PHB1: variants seen among roughly 807,000 people sequenced by gnomAD.
PHB1 encodes the protein epididymis luminal protein 215.
the PHB1 span, among the ~76,000 whole-genome samples, chr17:49,410,895 C>A: frequency 6.6e-6 from 1 of 152,338 alleles, no homozygotes; most frequent in Non-Finnish European, 1.5e-5. Flanking sequence ...TTCTGCTTCT[C>A]ATTACTTGGA....
chr17:49,407,221 C>T, the PHB1 span: 1 of 205,952 alleles, frequency 4.9e-6, no homozygotes, highest in Admixed American at 5.1e-5. Flanking sequence ...TAGTGCTCTT[C>T]CAAGGGCCTT....
chr17:49,409,305 G>C, the PHB1 span: 6 of 1,613,744 alleles, frequency 3.7e-6, no homozygotes, highest in Non-Finnish European at 4.2e-6. Context: ...CTCTGGGCTC[G>C]AGGCTAAAGG....
the PHB1 span, chr17:49,414,851 C>T: frequency 6.6e-6 from 1 of 152,528 alleles, no homozygotes; most frequent in Non-Finnish European, 1.5e-5. Flanking sequence ...CCACTCTGAC[C>T]TCCACATGAA....
At chr17:49,412,931 C>A in the PHB1 span, 2 of 435,486 alleles carry the variant, frequency 4.6e-6, no homozygotes, top group Non-Finnish European at 8.4e-6. Context: ...AGCCACTGGA[C>A]ACATCCAACT....
the PHB1 span, among the ~76,000 whole-genome samples, chr17:49,414,053 A>G: frequency 6.6e-6 from 1 of 152,256 alleles, no homozygotes; most frequent in African/African-American, 2.4e-5. Context: ...TAACCGTAAC[A>G]GCTAACACTT....
At chr17:49,414,862 T>G in the PHB1 span, 3 of 152,432 alleles carry the variant, frequency 2.0e-5, no homozygotes, top group African/African-American at 7.2e-5. Flanking sequence ...TCCACATGAA[T>G]TCCCCAACCA....
chr17:49,404,969 G>C, the PHB1 span: 1 of 1,497,124 alleles, frequency 6.7e-7, no homozygotes, highest in East Asian at 2.5e-5. Context: ...GTCAGCCCGC[G>C]GAGGTGCAGG....
the PHB1 span, chr17:49,413,023 G>T: frequency 1.6e-6 from 1 of 609,200 alleles, no homozygotes; most frequent in Non-Finnish European, 2.9e-6. Context: ...TGATAACAAT[G>T]CAGTCCTGTG....
chr17:49,411,045 C>T, the PHB1 span, among the ~76,000 whole-genome samples: 30 of 152,050 alleles, frequency 2.0e-4, no homozygotes, highest in African/African-American at 6.8e-4. Context: ...GAACTGGGCA[C>T]CAAGAGAGGT....
chr17:49,406,861 GGA>G, the PHB1 span: 7 of 1,603,162 alleles, frequency 4.4e-6, no homozygotes, highest in Admixed American at 8.3e-5. Context: ...GTGTCTAAGG[GGA>G]GAGAGTGAGC....
At chr17:49,405,299 G>C in the PHB1 span, 1 of 1,033,256 alleles carries the variant, frequency 9.7e-7, no homozygotes, top group South Asian at 1.5e-5. Context: ...ACCTTCCCAG[G>C]CTCCTGAAGG....
the PHB1 span, among the ~76,000 whole-genome samples, chr17:49,405,897 G>A: frequency 1.8e-4 from 27 of 152,192 alleles, no homozygotes; most frequent in Non-Finnish European, 3.5e-4. Context: ...CAGGCACCCA[G>A]AGTGAGATCT....
At chr17:49,408,991 T>A in the PHB1 span, 1 of 1,178,336 alleles carries the variant, frequency 8.5e-7, no homozygotes, top group Non-Finnish European at 1.2e-6. Flanking sequence ...GCCAGGCACC[T>A]AAACGAGAAC....
the PHB1 span, among the ~76,000 whole-genome samples, chr17:49,406,218 T>C: frequency 6.6e-6 from 1 of 152,164 alleles, no homozygotes; most frequent in African/African-American, 2.4e-5. Context: ...GCTGTCCCCA[T>C]CTCCCCACCA....
chr17:49,406,952 G>T, the PHB1 span: 1 of 815,916 alleles, frequency 1.2e-6, no homozygotes, highest in Non-Finnish European at 2.1e-6. Context: ...GCCAGCAATG[G>T]CTCTAGCAGC....
chr17:49,405,219 G>A, the PHB1 span: 6 of 1,610,484 alleles, frequency 3.7e-6, no homozygotes, highest in Non-Finnish European at 5.1e-6. Context: ...AAGAATGGAG[G>A]TGGAGACAAA....
chr17:49,406,657 A>G, the PHB1 span: 1 of 825,000 alleles, frequency 1.2e-6, no homozygotes, highest in Non-Finnish European at 2.1e-6. Context: ...TCCCGGAAGA[A>G]GGGATGACAG....
At chr17:49,406,202 T>C in the PHB1 span, among the ~76,000 whole-genome samples, 1 of 152,244 alleles carries the variant, frequency 6.6e-6, no homozygotes, top group Non-Finnish European at 1.5e-5. Flanking sequence ...TCCCATTTTA[T>C]TTCTTGCTGT....
the PHB1 span, chr17:49,407,489 G>C: frequency 6.5e-6 from 1 of 153,648 alleles, no homozygotes; most frequent in Non-Finnish European, 1.4e-5. Flanking sequence ...GTCATTGGTC[G>C]GCATGAGGGT....
Sources: gnomAD v4.1 joint callset for allele counts (sites outside exome capture counted in the v4.1 genomes callset) on GRCh38, gnomAD v4.1.1 for gene constraint, MANE v1.5 for transcripts, NCBI Gene and HGNC (gene_info 2026-07-23, HGNC 2026-07-21) for gene names.